ZFPM1: variants seen among roughly 807,000 people sequenced by gnomAD.
ZFPM1 encodes the protein zinc finger protein ZFPM1.
Under a neutral mutation model 46.3 loss-of-function variants are expected in ZFPM1, and 28 were observed. The ratio of observed to expected loss-of-function variants is 0.60; its 90% CI spans 0.45 to 0.83. The LOEUF is 0.83. Among genes scored for constraint, ZFPM1 ranks in the 40% least tolerant of loss-of-function variants. ZFPM1 has a pLI of 0.00. For synonymous variants in ZFPM1, 957 were observed against 675.9 expected (o/e 1.42, Z -6.45); for missense variants, 1,878 against 1,432.4 (o/e 1.31, Z -5.02).
At chr16:88,470,072 G>A (rs1039087878) in intron 1 of ZFPM1, among the ~76,000 whole-genome samples, 2 of 152,144 alleles carry the variant, frequency 1.3e-5, no homozygotes, top group African/African-American at 4.8e-5. Context: ...TGTCCCCAGA[G>A]GCAAAGCAAG....
intron 1 of ZFPM1, among the ~76,000 whole-genome samples, chr16:88,464,134 GT>G (rs1371084252): frequency 1.3e-5 from 2 of 152,326 alleles, no homozygotes; most frequent in Non-Finnish European, 2.9e-5. Context: ...GAGGTGCTCT[GT>G]TTAGGGCCTG....
At chr16:88,463,178 C>T (rs1047843607) in intron 1 of ZFPM1, among the ~76,000 whole-genome samples, 52 of 152,248 alleles carry the variant, frequency 3.4e-4, no homozygotes, top group African/African-American at 1.2e-3. Flanking sequence ...GTCGTGGCTC[C>T]TTCCCGAAGT....
At chr16:88,484,856 C>T (rs1037000742) in intron 1 of ZFPM1, among the ~76,000 whole-genome samples, 7 of 152,226 alleles carry the variant, frequency 4.6e-5, no homozygotes, top group African/African-American at 7.2e-5. Flanking sequence ...CAGCTGCCCC[C>T]GCACTTGGGC....
At chr16:88,462,116 C>G (rs1334199875) in intron 1 of ZFPM1, among the ~76,000 whole-genome samples, 4 of 152,196 alleles carry the variant, frequency 2.6e-5, no homozygotes, top group Non-Finnish European at 5.9e-5. Context: ...TGGGCAGAGC[C>G]GCGTGAGCAG....
chr16:88,456,910 G>A (rs1247198968), intron 1 of ZFPM1, among the ~76,000 whole-genome samples: 4 of 152,168 alleles, frequency 2.6e-5, no homozygotes, highest in African/African-American at 9.7e-5. Context: ...GGCCATCTGG[G>A]TAGGGCCTTC....
At chr16:88,455,132 G>GGTGTGTGTGTGTGTGT (rs4047261) in intron 1 of ZFPM1, among the ~76,000 whole-genome samples, 28 of 141,770 alleles carry the variant, frequency 2.0e-4, no homozygotes, top group Admixed American at 9.6e-4. Flanking sequence ...TCGGTTCTGG[G>GGTGTGTGTGTGTGTGT]GTGTGTGTGT....
In ZFPM1 at chr16:88,532,933, C is replaced by G. The variant is rs1313275984; in HGVS notation, c.1187C>G (p.Pro396Arg). Residue 396 changes from proline (P) to arginine (R), a missense_variant and splice_region_variant, in exon 9 of 10, where the codon CCA (proline) becomes CGA (arginine). Transcript: ENST00000319555. ...GAGHPATKLPPDSLGSFQQQH... is the reference protein window; with the variant it reads ...GAGHPATKLPRDSLGSFQQQH... The stretch of plus-strand genomic sequence containing the variant: ...GGACACCCAGCAACCAAGCTGCCCC[C>G]AGGTGAGCAGCCCTGTGGGGGCCAC... 2 of 1,612,966 alleles carry G rather than the reference C, an allele frequency of 1.2e-6. No homozygotes were observed. The highest frequency in any genetic ancestry group is 1.7e-6 in the Non-Finnish European group (2 of 1,179,954).
At chr16:88,500,876 T>C (rs1006806921) in intron 3 of ZFPM1, among the ~76,000 whole-genome samples, 2 of 152,246 alleles carry the variant, frequency 1.3e-5, no homozygotes, top group African/African-American at 4.8e-5. Context: ...GGCACAGTGC[T>C]GGGTCCCTAG....
chr16:88,497,979 G>A lies in ZFPM1; in HGVS notation c.268+8826G>A, dbSNP rs1164539937. On this transcript the variant is annotated intron_variant, in intron 3 of 9. Transcript: ENST00000319555. This position sits in a 1 kb window ranked among gnomAD's most constrained non-coding sequence, Gnocchi z 5.4. Reference sequence around the variant, plus strand: ...TAGGCGACTGGCTCCCTCCCCACCCGGTGTGCGTGGGTGGGAAATCATTCC... The same window carrying A: ...TAGGCGACTGGCTCCCTCCCCACCCAGTGTGCGTGGGTGGGAAATCATTCC... 4.6e-5 allele frequency among the ~76,000 whole-genome samples: 7 copies of A among 152,302 alleles called. No homozygotes were observed. Among genetic ancestry groups the A allele is most frequent in the South Asian group, 2.1e-4 (1 of 4,832 alleles).
intron 1 of ZFPM1, among the ~76,000 whole-genome samples, chr16:88,465,239 C>T (rs187261774): frequency 1.4e-3 from 211 of 152,340 alleles, no homozygotes; most frequent in African/African-American, 4.2e-3. Flanking sequence ...CAGGGCGCAG[C>T]GTCTGCTCAG....
intron 4 of ZFPM1, among the ~76,000 whole-genome samples, chr16:88,522,398 C>T (rs544760527): frequency 1.3e-5 from 2 of 152,318 alleles, no homozygotes; most frequent in East Asian, 1.9e-4. Context: ...CCCACCCTCC[C>T]GTGAACCTGC....
chr16:88,520,547 A>AGGATGGATGGAT (rs369543826), intron 4 of ZFPM1, among the ~76,000 whole-genome samples: 19 of 107,930 alleles, frequency 1.8e-4, no homozygotes, highest in Admixed American at 1.8e-4. Flanking sequence ...GGTGGCTGAA[A>AGGATGGATGGAT]GGATGGATGG....
chr16:88,487,951 G>A (rs373452442), intron 2 of ZFPM1, among the ~76,000 whole-genome samples: 122 of 152,350 alleles, frequency 8.0e-4, no homozygotes, highest in East Asian at 7.5e-3. Context: ...CCTTGCCGCC[G>A]TCCCCGTCGG....
chr16:88,507,139 C>T (rs1946559517), intron 3 of ZFPM1, among the ~76,000 whole-genome samples: 1 of 152,322 alleles, frequency 6.6e-6, no homozygotes, highest in East Asian at 1.9e-4. Flanking sequence ...GCCTGGGCTG[C>T]AGACATGGGT....
Position 88,514,391 on chromosome 16 carries a change from G to A in ZFPM1, c.273G>A (p.Glu91=). 2.6e-6 allele frequency: 4 copies of A among 1,563,592 alleles called. No homozygotes were observed. Among genetic ancestry groups the A allele is most frequent in the Non-Finnish European group, 3.5e-6 (4 of 1,154,734 alleles). The change falls in exon 4 of 10, where the codon GAG becomes GAA. Residue 91 remains glutamate (E), a synonymous_variant. Transcript: ENST00000319555. ...GCCTGCGATGTCTCTCTGCAGACGA[G>A]CTGGAGCCGGTGGTGCAGGATGGGC... The part of the protein sequence containing the change: ...EPGSPWSGPD[E]LEPVVQDGQR...
At chr16:88,485,493 G>A (rs1264036299) in intron 1 of ZFPM1, among the ~76,000 whole-genome samples, 3 of 150,650 alleles carry the variant, frequency 2.0e-5, no homozygotes, top group Admixed American at 2.0e-4. Context: ...AGGCTGGAGT[G>A]CAGCGGTGCA....
chr16:88,535,275 G>C lies in ZFPM1; in HGVS notation c.*296G>C, dbSNP rs1398393910. On this transcript the variant is annotated 3_prime_UTR_variant, in exon 10 of 10. Transcript: ENST00000319555. ...TGCGGCCCGGAGTGGCTGGGCCCCT[G>C]CCGGAGTTACACCACTGGGTGCTAA... The C allele has an allele frequency of 3.9e-6, 1 of 254,212 alleles. No individual in the cohort carries two copies. The highest frequency in any genetic ancestry group is 7.5e-6 in the Non-Finnish European group (1 of 133,400). The allele number at this position is 254,212 out of a possible 1,614,324, so 15.7% of individuals were successfully genotyped here. A position where few individuals can be genotyped will look rare whatever the true frequency, so the allele number is the denominator to read the frequency against.
intron 4 of ZFPM1, among the ~76,000 whole-genome samples, chr16:88,519,982 G>A (rs1446063945): frequency 6.7e-6 from 1 of 149,786 alleles, no homozygotes; most frequent in South Asian, 2.2e-4. Context: ...TAGTGGGTAG[G>A]TGGATGGATG....
intron 4 of ZFPM1, among the ~76,000 whole-genome samples, chr16:88,519,829 CAGAT>C (rs984416123): frequency 3.4e-5 from 5 of 146,684 alleles, no homozygotes; most frequent in Non-Finnish European, 6.0e-5. Flanking sequence ...AATGGATGGA[CAGAT>C]AGATGGTGGG....
Sources: gnomAD v4.1 joint callset for allele counts (sites outside exome capture counted in the v4.1 genomes callset) on GRCh38, gnomAD v4.1.1 for gene constraint, Gnocchi (gnomAD v3.1) non-coding constraint, MANE v1.5 for transcripts, NCBI Gene and HGNC (gene_info 2026-07-23, HGNC 2026-07-21) for gene names.